The following NRXN1 variants were observed in gnomAD, a reference collection of about 807,000 sequenced individuals.
The protein encoded by NRXN1 is neurexin-1.
A neutral mutation model predicts 150.9 loss-of-function variants in NRXN1; 39 were observed. The observed-to-expected ratio is 0.26, with a 90% CI of 0.20 to 0.34. The LOEUF is 0.34. Among genes scored for constraint, NRXN1 ranks in the 10% least tolerant of loss-of-function variants. The probability of loss-of-function intolerance (pLI) is 1.00; values close to 1 mark genes in which losing one functional copy is unlikely to be tolerated. For synonymous variants in NRXN1, 924 were observed against 757.0 expected (o/e 1.22, Z -3.62); for missense variants, 1,815 against 1,949.9 (o/e 0.93, Z 1.30).
chr2:50,030,828 T>A (rs1689071406), intron 21 of NRXN1, among the ~76,000 whole-genome samples: 1 of 152,154 alleles, frequency 6.6e-6, no homozygotes, highest in Non-Finnish European at 1.5e-5. Context: ...AGAGTTTTCT[T>A]GAGATCTTTT....
At chr2:49,998,837 A>G (rs1293127859) in intron 21 of NRXN1, among the ~76,000 whole-genome samples, 2 of 151,794 alleles carry the variant, frequency 1.3e-5, no homozygotes. Flanking sequence ...CTGTTCATAA[A>G]TTTTTCTCTG....
intron 11 of NRXN1, among the ~76,000 whole-genome samples, chr2:50,529,670 G>T (rs887098830): frequency 1.3e-5 from 2 of 152,146 alleles, no homozygotes; most frequent in Admixed American, 1.3e-4. Flanking sequence ...CCAAGGACCA[G>T]CACCTACACA....
chr2:50,875,969 G>A (rs1224329335), intron 5 of NRXN1, among the ~76,000 whole-genome samples: 1 of 151,854 alleles, frequency 6.6e-6, no homozygotes, highest in East Asian at 1.9e-4. Context: ...GAAAGTGGAA[G>A]AGACCCTGTA....
rs762031339 is a variant in NRXN1, at chr2:50,506,479, G to A, written c.2497+16C>T. On this transcript the variant is annotated intron_variant, in intron 13 of 22. Coordinates refer to ENST00000401669, the MANE Select transcript of NRXN1 (RefSeq NM_001330078.2). ...AGCGTTAGCATAGGAAAAGACAATG[G>A]GACAGAGGTGTTTACCTGTCATGGC... 3 of 1,609,530 alleles carry A rather than the reference G, an allele frequency of 1.9e-6. No homozygotes were observed. Among genetic ancestry groups the A allele is most frequent in the Non-Finnish European group, 2.5e-6 (3 of 1,177,254 alleles).
intron 15 of NRXN1, among the ~76,000 whole-genome samples, chr2:50,489,640 T>C (rs1573217870): frequency 6.6e-6 from 1 of 152,092 alleles, no homozygotes; most frequent in Non-Finnish European, 1.5e-5. Context: ...GTGATTCTAA[T>C]GGTGGGAAGA....
chr2:50,614,642 T>A (rs12619832), intron 8 of NRXN1, among the ~76,000 whole-genome samples: 31,869 of 125,872 alleles, frequency 0.25, 4,339 homozygotes, highest in East Asian at 0.41. Flanking sequence ...ATAATAAAAA[T>A]ATATATATAT....
intron 17 of NRXN1, among the ~76,000 whole-genome samples, chr2:50,461,436 T>C (rs1434667223): frequency 1.3e-5 from 2 of 152,086 alleles, no homozygotes; most frequent in Non-Finnish European, 2.9e-5. Context: ...TTATGTTCGC[T>C]ATTTTGCATA....
intron 2 of NRXN1, among the ~76,000 whole-genome samples, chr2:50,927,461 A>C (rs1687076331): frequency 6.6e-6 from 1 of 151,980 alleles, no homozygotes. Context: ...TGTGATATTG[A>C]CTTCTAGTTT....
At chr2:50,259,437 C>T (rs1016512283) in intron 17 of NRXN1, among the ~76,000 whole-genome samples, 1 of 151,834 alleles carries the variant, frequency 6.6e-6, no homozygotes, top group Admixed American at 6.6e-5. Context: ...AATTTAGCTA[C>T]CTTCCTCCAG....
intron 5 of NRXN1, among the ~76,000 whole-genome samples, chr2:50,809,189 C>A (rs1200928027): frequency 6.6e-6 from 1 of 152,014 alleles, no homozygotes; most frequent in Non-Finnish European, 1.5e-5. Context: ...TTAGAATGAG[C>A]TAGGTGTAGC....
At chr2:50,367,178 C>T (rs2079643356) in intron 17 of NRXN1, among the ~76,000 whole-genome samples, 1 of 151,878 alleles carries the variant, frequency 6.6e-6, no homozygotes, top group Non-Finnish European at 1.5e-5. Context: ...GAGAATAAGG[C>T]TATCCTCGTC....
At chr2:50,405,110 T>A (rs1227698399) in intron 17 of NRXN1, among the ~76,000 whole-genome samples, 2 of 152,180 alleles carry the variant, frequency 1.3e-5, no homozygotes, top group East Asian at 1.9e-4. Flanking sequence ...TATCTCTGCA[T>A]TCTTCATAAA....
chr2:50,623,063 G>A (rs1299713652), intron 6 of NRXN1, among the ~76,000 whole-genome samples: 8 of 152,110 alleles, frequency 5.3e-5, no homozygotes, highest in Admixed American at 6.6e-5. Context: ...AGGGCAGGTC[G>A]CAGGGATATC....
intron 17 of NRXN1, among the ~76,000 whole-genome samples, chr2:50,288,465 A>G (rs1276950701): frequency 6.6e-6 from 1 of 152,184 alleles, no homozygotes; most frequent in Non-Finnish European, 1.5e-5. Flanking sequence ...AAAAATGAAG[A>G]AAGAATACCT....
chr2:50,992,952 A>T (rs2105005510), intron 2 of NRXN1, among the ~76,000 whole-genome samples: 1 of 152,134 alleles, frequency 6.6e-6, no homozygotes, highest in Admixed American at 6.6e-5. Flanking sequence ...CCAAGTGCAT[A>T]AATTTGCAGA....
intron 2 of NRXN1, among the ~76,000 whole-genome samples, chr2:50,935,744 G>A (rs919795458): frequency 1.3e-5 from 2 of 150,586 alleles, no homozygotes; most frequent in Non-Finnish European, 3.0e-5. Flanking sequence ...AAAGTAACCC[G>A]AATATGGAAT....
chr2:50,500,179 C>T (rs2091874619), intron 13 of NRXN1, among the ~76,000 whole-genome samples: 2 of 151,838 alleles, frequency 1.3e-5, no homozygotes, highest in Admixed American at 6.6e-5. Flanking sequence ...AAGTTCTTAC[C>T]AGCTCTAAAA....
chr2:50,618,688 G>C (rs998224678), intron 8 of NRXN1, among the ~76,000 whole-genome samples: 1 of 151,506 alleles, frequency 6.6e-6, no homozygotes, highest in African/African-American at 2.4e-5. Context: ...ATAATAAAAT[G>C]TCTACCTATT....
chr2:50,925,882 G>A (rs894296669), intron 3 of NRXN1, 56 bp downstream of exon 3: 13 of 1,360,612 alleles, frequency 9.6e-6, no homozygotes, highest in Admixed American at 3.9e-5. Context: ...TACCCTATTA[G>A]TACTAAGAAA....
Sources: allele counts gnomAD v4.1 joint callset (sites outside exome capture counted in the v4.1 genomes callset), GRCh38; gene constraint gnomAD v4.1.1; transcripts MANE v1.5; gene names NCBI Gene and HGNC (gene_info 2026-07-23, HGNC 2026-07-21).